SORL1: variants seen among roughly 807,000 people sequenced by gnomAD.
The protein encoded by SORL1 is sortilin-related receptor.
Under a neutral mutation model 273.7 loss-of-function variants are expected in SORL1, and 127 were observed. The ratio of observed to expected loss-of-function variants is 0.46; its 90% confidence interval spans 0.40 to 0.54. SORL1 has a LOEUF of 0.54. SORL1 is among the 20% of genes least tolerant of loss of function. The pLI, the probability that SORL1 is intolerant of heterozygous loss-of-function variation, is 0.00. For synonymous variants in SORL1, 1,031 were observed against 1,067.4 expected (o/e 0.97, Z 0.66); for missense variants, 2,494 against 2,846.1 (o/e 0.88, Z 2.81).
Position 121,558,719 on chromosome 11 carries a change from A to G in SORL1, c.2792A>G (p.Gln931Arg), listed in dbSNP as rs1050161564. 24 of 1,614,070 alleles carry G rather than the reference A, an allele frequency of 1.5e-5. No homozygotes were observed. The highest frequency in any genetic ancestry group is 5.0e-5 in the Admixed American group (3 of 60,002). The change falls in exon 20 of 48, where the codon CAG (glutamine) becomes CGG (arginine). Residue 931 changes from glutamine to arginine, a missense_variant. By Grantham distance (43) the Gln-to-Arg change is conservative. Around this residue, in one of 3 missense-constraint regions of SORL1, gnomAD observed 1,609 missense variants for 1,816.4 expected, o/e 0.89. Transcript: ENST00000260197. ...KWPNGISVDDQWIYWTDAYLE... is the reference protein window; with the variant it reads ...KWPNGISVDDRWIYWTDAYLE... ...CCCAATGGCATCTCTGTGGACGACC[A>G]GTGGATTTACTGGACGGATGCCTAC...
rs58254356 is a variant in SORL1 at position 121,585,500 on chromosome 11, T to TACACACACACACAC, written c.3707-697_3707-684dup. Among the ~76,000 whole-genome samples, 114 of 137,550 alleles carry TACACACACACACAC rather than the reference T, an allele frequency of 8.3e-4. 2 individuals are homozygous for TACACACACACACAC. Among genetic ancestry groups the TACACACACACACAC allele is most frequent in the African/African-American group, 2.8e-3 (99 of 35,602 alleles). 90.2% of individuals were successfully genotyped at this position (137,550 alleles called of 152,430 possible). ...TCTGCCTTAAAAAAAAAAATGTATA[T>TACACACACACACAC]ACACACACACACACACACACACACA... is the stretch of plus-strand genomic sequence containing the variant. On this transcript the variant is annotated intron_variant, in intron 26 of 47. Transcript: ENST00000260197.
intron 8 of SORL1, among the ~76,000 whole-genome samples, chr11:121,517,152 G>A (rs1179262550): frequency 6.6e-6 from 1 of 152,128 alleles, no homozygotes; most frequent in Admixed American, 6.5e-5. Context: ...ACAATGTTGT[G>A]CCACCGCCAC....
intron 18 of SORL1, chr11:121,556,998 C>T: frequency 3.1e-6 from 1 of 322,528 alleles, no homozygotes; most frequent in Non-Finnish European, 5.8e-6. Flanking sequence ...TAAGTAAATG[C>T]TCATTTGCTT....
At chr11:121,514,124 G>T (rs374994499) in intron 7 of SORL1, 28 bp from the exon 8 acceptor site, 2 of 1,604,024 alleles carry the variant, frequency 1.2e-6, no homozygotes, top group Non-Finnish European at 1.7e-6. Context: ...GTTTTTTGAC[G>T]TATCTTTTTT....
chr11:121,514,540 C>T (rs867763849), intron 8 of SORL1, among the ~76,000 whole-genome samples: 68 of 151,528 alleles, frequency 4.5e-4, no homozygotes, highest in African/African-American at 1.6e-3. Context: ...GTGATTCTTA[C>T]GTGCAGCCAA....
Position 121,628,506 on chromosome 11 carries a change from C to T in SORL1, c.6577+739C>T, listed in dbSNP as rs569259052. 5.3e-5 allele frequency among the ~76,000 whole-genome samples: 8 copies of T among 152,314 alleles called. No individual in the cohort carries two copies. The East Asian group carries it at 9.7e-4, about 18-fold the overall frequency. ...AGGCTCAGGCTGTAATGCTCTGACT[C>T]ACCACTCACAGCCTGCTGTGCGGCC... is the stretch of plus-strand genomic sequence containing the variant. On this transcript the variant is annotated intron_variant, in intron 47 of 47. Coordinates refer to ENST00000260197, the MANE Select transcript of SORL1 (RefSeq NM_003105.6).
chr11:121,497,188 C>A, intron 6 of SORL1, 139 bp downstream of exon 6: 1 of 716,100 alleles, frequency 1.4e-6, no homozygotes, highest in Non-Finnish European at 2.3e-6. Context: ...GGGATCTCAA[C>A]ATTGACAACA....
chr11:121,553,226 G>A (rs935104877), intron 16 of SORL1, among the ~76,000 whole-genome samples: 2 of 152,140 alleles, frequency 1.3e-5, no homozygotes, highest in African/African-American at 4.8e-5. Flanking sequence ...TTTCTCATTT[G>A]TAAAATTTGG....
chr11:121,548,293 GCTGCC>G (rs1862462627), intron 14 of SORL1, among the ~76,000 whole-genome samples: 1 of 152,180 alleles, frequency 6.6e-6, no homozygotes, highest in Admixed American at 6.5e-5. Flanking sequence ...GTCAAAGAAA[GCTGCC>G]CAGGAAGAGT....
At chr11:121,590,325 T>C in intron 30 of SORL1, 151 bp downstream of exon 30, 1 of 712,496 alleles carries the variant, frequency 1.4e-6, no homozygotes, top group Non-Finnish European at 2.3e-6. Context: ...TTCCTCTTTC[T>C]CATTTTGAAA....
chr11:121,623,693 C>G (rs921974359), intron 45 of SORL1, among the ~76,000 whole-genome samples: 1 of 152,130 alleles, frequency 6.6e-6, no homozygotes, highest in African/African-American at 2.4e-5. Context: ...AATCCCAGTT[C>G]GGCAGCCAGT....
At position 121,470,005 on chromosome 11, in the gene SORL1, A is replaced by T; in HGVS notation, c.286-2A>T. 2 of 1,603,758 alleles carry T rather than the reference A, an allele frequency of 1.2e-6. No homozygotes were observed. Among genetic ancestry groups the T allele is most frequent in the Non-Finnish European group, 1.7e-6 (2 of 1,170,478 alleles). ...CCTAATTCCTACATTGATCTCTTTC[A>T]GGTTAGTCTGAATGATTCCCACAAT... On this transcript the variant is annotated splice_acceptor_variant, in intron 1 of 47. Coordinates refer to ENST00000260197, the MANE Select transcript of SORL1 (RefSeq NM_003105.6). LOFTEE classifies it high-confidence loss of function.
chr11:121,489,950 CA>C, intron 4 of SORL1, 92 bp from the exon 5 acceptor site: 1 of 913,688 alleles, frequency 1.1e-6, no homozygotes, highest in Non-Finnish European at 1.8e-6. Context: ...GACAGCGTGT[CA>C]TGGAAGGTGG....
chr11:121,537,671 T>C (rs1862285874), intron 12 of SORL1, among the ~76,000 whole-genome samples: 2 of 152,232 alleles, frequency 1.3e-5, no homozygotes, highest in African/African-American at 4.8e-5. Context: ...TGTTCTATAC[T>C]TGAACATTTC....
chr11:121,571,642 G>C (rs1341721991), intron 23 of SORL1, among the ~76,000 whole-genome samples: 1 of 152,240 alleles, frequency 6.6e-6, no homozygotes, highest in Non-Finnish European at 1.5e-5. Flanking sequence ...CGTGGGGCCT[G>C]TGCCCGGCTC....
At chr11:121,530,608 T>G (rs1348195352) in intron 11 of SORL1, among the ~76,000 whole-genome samples, 1 of 152,186 alleles carries the variant, frequency 6.6e-6, no homozygotes, top group Non-Finnish European at 1.5e-5. Context: ...GTATGATGTG[T>G]CTAGGAGGGC....
intron 3 of SORL1, among the ~76,000 whole-genome samples, chr11:121,486,605 G>C (rs569224604): frequency 6.7e-6 from 1 of 150,334 alleles, no homozygotes; most frequent in African/African-American, 2.4e-5. Context: ...TCAGCCTCCC[G>C]AGTAGCTGGG....
intron 6 of SORL1, among the ~76,000 whole-genome samples, chr11:121,498,046 T>C (rs1160928584): frequency 1.3e-5 from 2 of 152,088 alleles, no homozygotes; most frequent in African/African-American, 4.8e-5. Flanking sequence ...AAGAGAGATG[T>C]GGGTGGCTAA....
At position 121,630,889 on chromosome 11, in the gene SORL1, T is replaced by TG. The variant is rs528996625; in HGVS notation, c.*1327dup. The TG allele has an allele frequency of 3.3e-5, 5 of 152,386 alleles. No individual in the cohort carries two copies. In the East Asian group the frequency reaches 9.6e-4, roughly 29 times the overall value. The allele number at this position is 152,386 out of a possible 1,614,324, so 9.4% of individuals were successfully genotyped here. A position where few individuals can be genotyped will look rare whatever the true frequency, so the allele number is the denominator to read the frequency against. On this transcript the variant is annotated 3_prime_UTR_variant, in exon 48 of 48. Coordinates refer to ENST00000260197, the MANE Select transcript of SORL1 (RefSeq NM_003105.6). ...TTATGTAGAATCCATCGTGGGCTGA[T>TG]GCAAGCCCTTTATTTAGGCTTAGTG... is the stretch of plus-strand genomic sequence containing the variant.
Sources: gnomAD v4.1 joint callset for allele counts (sites outside exome capture counted in the v4.1 genomes callset) on GRCh38, gnomAD v4.1.1 for gene constraint, gnomAD v4.1.1 regional missense constraint, MANE v1.5 for transcripts, NCBI Gene and HGNC (gene_info 2026-07-23, HGNC 2026-07-21) for gene names.